Variants in SCGB2B2 observed in about 807,000 individuals in gnomAD.
SCGB2B2 encodes the protein secretoglobin-like protein.
Under a neutral mutation model 7.6 loss-of-function variants are expected in SCGB2B2, and 11 were observed. The observed-to-expected ratio is 1.45, with a 90% CI of 0.91 to 2.40. SCGB2B2 has a LOEUF of 2.40. SCGB2B2 is among the 30% of genes most tolerant of loss of function. The pLI, the probability that SCGB2B2 is intolerant of heterozygous loss-of-function variation, is 0.00. For synonymous variants in SCGB2B2, 50 were observed against 48.6 expected, an observed-to-expected ratio of 1.03 and a Z score of -0.12; for missense variants, 104 against 115.4, an observed-to-expected ratio of 0.90 and a Z score of 0.45.
In SCGB2B2 at chr19:34,594,174, C is replaced by A. The variant is rs77564176; in HGVS notation, c.246+1G>T. 2.5e-6 allele frequency: 4 copies of A among 1,613,470 alleles called. No homozygotes were observed. The highest frequency in any genetic ancestry group is 4.5e-5 in the East Asian group (2 of 44,880). ...GTGCAGGTCCCCCCGGGCACACTCA[C>A]AATAACAACTGAATGAGCAAATCTT... On this transcript the variant is annotated splice_donor_variant, in intron 3 of 3. Coordinates refer to ENST00000601241, the MANE Select transcript of SCGB2B2 (RefSeq NM_001025591.4). LOFTEE classifies it high-confidence loss of function.
intron 1 of SCGB2B2, among the ~76,000 whole-genome samples, chr19:34,614,122 G>C (rs2066006232): frequency 1.3e-5 from 2 of 151,858 alleles, no homozygotes; most frequent in Non-Finnish European, 2.9e-5. Context: ...AATCTTTTTT[G>C]GGGCCTTGGA....
chr19:34,590,099 T>G (rs146077032), downstream of SCGB2B2, among the ~76,000 whole-genome samples: 16 of 152,330 alleles, frequency 1.1e-4, no homozygotes, highest in Non-Finnish European at 1.8e-4. Flanking sequence ...TGACCCCATT[T>G]CAACCTTGAG....
intron 1 of SCGB2B2, among the ~76,000 whole-genome samples, chr19:34,667,916 C>A (rs2067681199): frequency 6.6e-6 from 1 of 152,124 alleles, no homozygotes; most frequent in Admixed American, 6.5e-5. Context: ...CCAGCTGCGC[C>A]CCTCTGCTGA....
chr19:34,636,637 C>G (rs2145977925), intron 1 of SCGB2B2, among the ~76,000 whole-genome samples: 1 of 152,288 alleles, frequency 6.6e-6, no homozygotes, highest in Middle Eastern at 3.4e-3. Flanking sequence ...ACCTGGAAAT[C>G]AGAGAGGTGG....
At chr19:34,642,472 T>C (rs1007556072) in intron 1 of SCGB2B2, among the ~76,000 whole-genome samples, 1 of 151,900 alleles carries the variant, frequency 6.6e-6, no homozygotes, top group Non-Finnish European at 1.5e-5. Flanking sequence ...GCCCAGCACT[T>C]TGGGAGGCCA....
intron 1 of SCGB2B2, among the ~76,000 whole-genome samples, chr19:34,611,219 T>C (rs1345636445): frequency 2.0e-5 from 3 of 152,168 alleles, no homozygotes; most frequent in Non-Finnish European, 4.4e-5. Flanking sequence ...TCTTGTTTCA[T>C]AGTTAGTCTG....
intron 1 of SCGB2B2, among the ~76,000 whole-genome samples, chr19:34,630,673 A>G (rs956360576): frequency 1.3e-5 from 2 of 152,142 alleles, no homozygotes; most frequent in Admixed American, 6.5e-5. Context: ...GTGGGACTGT[A>G]AACTAGTTCA....
At chr19:34,673,068 A>G (rs2067840656) in intron 1 of SCGB2B2, among the ~76,000 whole-genome samples, 1 of 152,190 alleles carries the variant, frequency 6.6e-6, no homozygotes, top group African/African-American at 2.4e-5. Context: ...CAAAGTTCAT[A>G]TTCTAAAATG....
intron 1 of SCGB2B2, chr19:34,640,580 A>G (rs1432993123): frequency 6.6e-6 from 1 of 152,150 alleles, no homozygotes; most frequent in Non-Finnish European, 1.5e-5. Flanking sequence ...ATAGATGAAG[A>G]AAAAAAATTT....
intron 1 of SCGB2B2, among the ~76,000 whole-genome samples, chr19:34,667,366 A>T (rs893421023): frequency 6.6e-6 from 1 of 151,614 alleles, no homozygotes; most frequent in African/African-American, 2.4e-5. Flanking sequence ...TACTGAAGTG[A>T]CACCATCCAC....
At chr19:34,600,389 C>G (rs1358901359) in intron 1 of SCGB2B2, among the ~76,000 whole-genome samples, 1 of 152,164 alleles carries the variant, frequency 6.6e-6, no homozygotes, top group East Asian at 1.9e-4. Context: ...CGTTTATATT[C>G]ACATTTGTTG....
downstream of SCGB2B2, among the ~76,000 whole-genome samples, chr19:34,586,215 C>T (rs2065187171): frequency 6.6e-6 from 1 of 152,014 alleles, no homozygotes; most frequent in Non-Finnish European, 1.5e-5. Flanking sequence ...TCTAATTGTA[C>T]TTTAAAATCT....
At chr19:34,587,462 T>C (rs2065207988), downstream of SCGB2B2, among the ~76,000 whole-genome samples, 1 of 152,248 alleles carries the variant, frequency 6.6e-6, no homozygotes, top group African/African-American at 2.4e-5. Context: ...CATAAGATCA[T>C]GTCCTCTGCA....
chr19:34,598,786 T>A (rs2145767558), intron 1 of SCGB2B2, among the ~76,000 whole-genome samples: 2 of 152,328 alleles, frequency 1.3e-5, no homozygotes, highest in Admixed American at 1.3e-4. Flanking sequence ...AGATGAAGTG[T>A]GACTCTAATC....
chr19:34,645,988 C>G (rs1013981684), intron 1 of SCGB2B2: 30 of 331,006 alleles, frequency 9.1e-5, no homozygotes, highest in African/African-American at 6.6e-4. Context: ...AGCCCCCTGA[C>G]AGAGGAGTCC....
intron 1 of SCGB2B2, among the ~76,000 whole-genome samples, chr19:34,650,950 T>C (rs1370173553): frequency 6.6e-6 from 1 of 151,272 alleles, no homozygotes; most frequent in African/African-American, 2.5e-5. Flanking sequence ...TGTTTCCAGA[T>C]ACACAAATCA....
intron 1 of SCGB2B2, among the ~76,000 whole-genome samples, chr19:34,673,635 A>G (rs895015120): frequency 6.6e-6 from 1 of 152,232 alleles, no homozygotes; most frequent in African/African-American, 2.4e-5. Flanking sequence ...GAGCAGGCAG[A>G]ATAAAAAAAA....
downstream of SCGB2B2, among the ~76,000 whole-genome samples, chr19:34,586,238 AAATT>A (rs1349865492): frequency 1.3e-5 from 2 of 152,082 alleles, no homozygotes; most frequent in Admixed American, 1.3e-4. Flanking sequence ...TATGTTTATT[AAATT>A]AAATTATTTT....
intron 1 of SCGB2B2, among the ~76,000 whole-genome samples, chr19:34,637,280 GCA>G (rs1327099277): frequency 1.3e-5 from 2 of 152,168 alleles, no homozygotes; most frequent in Non-Finnish European, 2.9e-5. Context: ...AGGCCTTAGG[GCA>G]CCAGGTAGTG....
Sources: gnomAD v4.1 joint callset for allele counts (sites outside exome capture counted in the v4.1 genomes callset) on GRCh38, gnomAD v4.1.1 for gene constraint, MANE v1.5 for transcripts, NCBI Gene and HGNC (gene_info 2026-07-23, HGNC 2026-07-21) for gene names.